ACMSD: variants seen among roughly 807,000 people sequenced by gnomAD.
ACMSD encodes the protein aminocarboxymuconate semialdehyde decarboxylase, also known as 2-amino-3-carboxymuconate-6-semialdehyde decarboxylase.
A neutral mutation model predicts 45.9 loss-of-function variants in ACMSD; 37 were observed. The observed-to-expected ratio is 0.81, with a 90% confidence interval of 0.62 to 1.06. The LOEUF (loss-of-function observed/expected upper bound fraction) is 1.06. Among genes scored for constraint, ACMSD ranks in the 50% least tolerant of loss-of-function variants. The pLI, the probability that ACMSD is intolerant of heterozygous loss-of-function variation, is 0.00. For missense variants in ACMSD, 434 were observed against 420.9 expected, an observed-to-expected ratio of 1.03 and a Z score of -0.27; for synonymous variants, 138 against 148.8, an observed-to-expected ratio of 0.93 and a Z score of 0.53.
intron 8 of ACMSD, among the ~76,000 whole-genome samples, chr2:134,890,537 T>C (rs1019788412): frequency 6.6e-6 from 1 of 152,052 alleles, no homozygotes; most frequent in East Asian, 1.9e-4. Context: ...TGACAAAATT[T>C]GAATATGAAC....
intron 1 of ACMSD, among the ~76,000 whole-genome samples, chr2:134,841,215 T>A (rs1573608568): frequency 6.6e-6 from 1 of 152,168 alleles, no homozygotes; most frequent in Non-Finnish European, 1.5e-5. Flanking sequence ...TATTATTCAC[T>A]TGACAGATGA....
In ACMSD at chr2:134,840,754, T is replaced by A. The variant is rs538590684; in HGVS notation, c.57+2015T>A. On this transcript the variant is annotated intron_variant, in intron 1 of 9. Transcript: ENST00000356140. ...TAAACCAGGTTTCTTCTTCTTTTTTTATTTTTATGTATTTATTTTTATTTC... is the reference window on the plus strand; with the variant it reads ...TAAACCAGGTTTCTTCTTCTTTTTTAATTTTTATGTATTTATTTTTATTTC... Among the ~76,000 whole-genome samples, 3 of 151,992 alleles carry A rather than the reference T, an allele frequency of 2.0e-5. No individual in the cohort carries two copies. In the East Asian group the frequency reaches 5.8e-4, roughly 29 times the overall value.
intron 8 of ACMSD, among the ~76,000 whole-genome samples, chr2:134,890,855 A>G (rs1689743233): frequency 6.6e-6 from 1 of 152,082 alleles, no homozygotes; most frequent in Admixed American, 6.6e-5. Flanking sequence ...GCCAAAATAA[A>G]AAAAAATTCC....
chr2:134,840,167 C>CGAAAAAAAA (rs1686719852), intron 1 of ACMSD, among the ~76,000 whole-genome samples: 1 of 23,434 alleles, frequency 4.3e-5, no homozygotes, highest in Non-Finnish European at 8.3e-5. Flanking sequence ...CTATACCTAG[C>CGAAAAAAAA]AAAAAAAAAA....
chr2:134,856,745 A>G (rs1687598729), intron 2 of ACMSD, among the ~76,000 whole-genome samples: 1 of 152,148 alleles, frequency 6.6e-6, no homozygotes, highest in Admixed American at 6.5e-5. Context: ...TATCAGATAT[A>G]TGGTTCACAA....
chr2:134,853,103 C>T (rs923238965), intron 2 of ACMSD, among the ~76,000 whole-genome samples: 6 of 145,194 alleles, frequency 4.1e-5, no homozygotes, highest in African/African-American at 1.5e-4. Flanking sequence ...GCGGAGATTG[C>T]AGTGAGCCGA....
chr2:134,848,262 T>C lies in ACMSD; in HGVS notation c.102+2985T>C, dbSNP rs186249239. Among the ~76,000 whole-genome samples the C allele has an allele frequency of 3.1e-3, 473 of 152,344 alleles. 3 individuals carry two copies. The highest frequency in any genetic ancestry group is 0.011 in the African/African-American group (452 of 41,584). On this transcript the variant is annotated intron_variant, in intron 2 of 9. Transcript: ENST00000356140. ...CATACGTGTGCATGTGTCTTTATAG[T>C]AGAATGATTTATAATCCTTTGGGTA...
chr2:134,890,617 TA>T (rs1198606839), intron 8 of ACMSD, among the ~76,000 whole-genome samples: 1 of 152,098 alleles, frequency 6.6e-6, no homozygotes, highest in Admixed American at 6.5e-5. Context: ...TGTGGTCATA[TA>T]AAAAGTATCC....
chr2:134,863,755 T>G, intron 5 of ACMSD, 124 bp downstream of exon 5: 2 of 942,552 alleles, frequency 2.1e-6, no homozygotes, highest in Admixed American at 4.4e-5. Context: ...TGTCCACGAC[T>G]TGTTTGATGT....
chr2:134,871,345 T>C (rs1688425902), intron 7 of ACMSD, among the ~76,000 whole-genome samples: 1 of 152,048 alleles, frequency 6.6e-6, no homozygotes, highest in African/African-American at 2.4e-5. Flanking sequence ...ACCTTAATTA[T>C]CTCCTTAAAG....
At chr2:134,885,322 T>C (rs1222039522) in intron 8 of ACMSD, among the ~76,000 whole-genome samples, 3 of 111,100 alleles carry the variant, frequency 2.7e-5, no homozygotes, top group African/African-American at 1.1e-4. Flanking sequence ...TATATATAAA[T>C]ATATATGTAA....
chr2:134,845,824 G>T (rs567473156), intron 2 of ACMSD, among the ~76,000 whole-genome samples: 49 of 152,270 alleles, frequency 3.2e-4, no homozygotes, highest in Non-Finnish European at 5.3e-4. Flanking sequence ...AGAGTGAGCT[G>T]GGAGTCTAGA....
chr2:134,861,325 T>G (rs984893916), intron 3 of ACMSD, among the ~76,000 whole-genome samples: 1 of 152,206 alleles, frequency 6.6e-6, no homozygotes, highest in Non-Finnish European at 1.5e-5. Flanking sequence ...GGCTGCACGG[T>G]AAACGAAGTG....
intron 3 of ACMSD, among the ~76,000 whole-genome samples, chr2:134,860,476 G>C (rs1487706961): frequency 2.6e-5 from 4 of 152,168 alleles, no homozygotes; most frequent in Admixed American, 1.3e-4. Context: ...GTTTACATTG[G>C]TGGAAGATTT....
At chr2:134,883,358 C>T (rs1469909339) in intron 8 of ACMSD, among the ~76,000 whole-genome samples, 6 of 151,920 alleles carry the variant, frequency 3.9e-5, no homozygotes, top group Admixed American at 3.9e-4. Flanking sequence ...TTGGGTATCC[C>T]AAGGAGCTAA....
At chr2:134,859,686 G>A in intron 3 of ACMSD, 1 of 179,356 alleles carries the variant, frequency 5.6e-6, no homozygotes, top group Admixed American at 6.1e-5. Flanking sequence ...GTAAAAACTG[G>A]AAATCACAAA....
intron 8 of ACMSD, among the ~76,000 whole-genome samples, chr2:134,894,496 G>C (rs1470286262): frequency 6.6e-6 from 1 of 152,044 alleles, no homozygotes; most frequent in Non-Finnish European, 1.5e-5. Context: ...AAGAAAAGCT[G>C]ATGACCAGAT....
At chr2:134,879,631 G>A (rs199679857) in intron 8 of ACMSD, among the ~76,000 whole-genome samples, 5 of 152,100 alleles carry the variant, frequency 3.3e-5, no homozygotes, top group East Asian at 1.9e-4. Context: ...TTTCTCTTGA[G>A]GTTCAATAAG....
chr2:134,853,556 T>C (rs1423348935), intron 2 of ACMSD, among the ~76,000 whole-genome samples: 2 of 152,182 alleles, frequency 1.3e-5, no homozygotes, highest in Non-Finnish European at 2.9e-5. Flanking sequence ...CTGAGGTCAG[T>C]GTTAAAAACC....
Sources: allele counts gnomAD v4.1 joint callset (sites outside exome capture counted in the v4.1 genomes callset), GRCh38; gene constraint gnomAD v4.1.1; transcripts MANE v1.5; gene names NCBI Gene and HGNC (gene_info 2026-07-23, HGNC 2026-07-21).